DGKG: variants seen among roughly 807,000 people sequenced by gnomAD.
The protein encoded by DGKG is diacylglycerol kinase gamma, also known as DAG kinase gamma.
A neutral mutation model predicts 105.3 loss-of-function variants in DGKG; 78 were observed. The ratio of observed to expected loss-of-function variants is 0.74; its 90% confidence interval spans 0.62 to 0.89. The LOEUF is 0.89. DGKG is among the 40% of genes least tolerant of loss of function. The probability of loss-of-function intolerance (pLI) is 0.00; values close to 1 mark genes in which losing one functional copy is unlikely to be tolerated. For synonymous variants in DGKG, 346 were observed against 367.1 expected, an observed-to-expected ratio of 0.94 and a Z score of 0.66; for missense variants, 958 against 1,020.1, an observed-to-expected ratio of 0.94 and a Z score of 0.83.
intron 1 of DGKG, among the ~76,000 whole-genome samples, chr3:186,352,117 A>G (rs571960107): frequency 6.6e-6 from 1 of 152,180 alleles, no homozygotes; most frequent in East Asian, 1.9e-4. Context: ...TGTTAAACAG[A>G]CTTGAGAACC....
chr3:186,219,144 CAA>C (rs1485442510), intron 20 of DGKG, among the ~76,000 whole-genome samples: 12 of 108,048 alleles, frequency 1.1e-4, no homozygotes, highest in African/African-American at 4.1e-4. Flanking sequence ...AAGTTTACAT[CAA>C]GAGTTAAAAA....
chr3:186,327,942 T>G (rs541858402), intron 1 of DGKG, among the ~76,000 whole-genome samples: 30 of 152,290 alleles, frequency 2.0e-4, no homozygotes, highest in African/African-American at 7.0e-4. Flanking sequence ...GTTCTTTACC[T>G]GTGGTAATAA....
chr3:186,177,688 G>C (rs577643929), intron 22 of DGKG, among the ~76,000 whole-genome samples: 27 of 152,330 alleles, frequency 1.8e-4, no homozygotes, highest in African/African-American at 6.5e-4. Context: ...CTTGAAGACA[G>C]GTTTGAGTCC....
At chr3:186,290,510 A>G (rs1560136227) in intron 5 of DGKG, among the ~76,000 whole-genome samples, 1 of 152,248 alleles carries the variant, frequency 6.6e-6, no homozygotes, top group Non-Finnish European at 1.5e-5. Flanking sequence ...ACAAAACTGG[A>G]CAAAATGTAT....
In DGKG at chr3:186,279,869, G is replaced by A. The variant is rs1722750056; in HGVS notation, c.774C>T (p.Leu258=). ...GGMTTIPLLV[L]LGMDDSGSKG... ...GACTTACAGAGTCATCCATCCCCAG[G>A]AGGACCAGCAATGGGATGGTGGTCA... The change falls in exon 9 of 25, where the codon CTC becomes CTT. Residue 258 remains leucine (L), a synonymous_variant. Coordinates refer to ENST00000265022, the MANE Select transcript of DGKG (RefSeq NM_001346.3). 1 of 1,613,750 alleles carries A rather than the reference G, an allele frequency of 6.2e-7. No individual in the cohort carries two copies. Among genetic ancestry groups the A allele is most frequent in the Non-Finnish European group, 8.5e-7 (1 of 1,179,902 alleles).
chr3:186,187,102 C>T (rs1717676793), intron 22 of DGKG, among the ~76,000 whole-genome samples: 1 of 152,208 alleles, frequency 6.6e-6, no homozygotes, highest in Non-Finnish European at 1.5e-5. Context: ...GCCCTCTAGG[C>T]CACGTGATCT....
chr3:186,260,438 C>G lies in DGKG; in HGVS notation c.1424+1G>C, dbSNP rs766970219. ...AGAGGTAAAGATTGTGATCTCCATACCCTGGAGTAGGCCCCCCATTGTCCA... is the reference window on the plus strand; with the variant it reads ...AGAGGTAAAGATTGTGATCTCCATAGCCTGGAGTAGGCCCCCCATTGTCCA... On this transcript the variant is annotated splice_donor_variant, in intron 16 of 24. Coordinates refer to ENST00000265022, the MANE Select transcript of DGKG (RefSeq NM_001346.3). LOFTEE classifies it high-confidence loss of function. 1 of 1,606,210 alleles carries G rather than the reference C, an allele frequency of 6.2e-7. No individual in the cohort carries two copies. The highest frequency in any genetic ancestry group is 1.7e-5 in the Admixed American group (1 of 59,984).
At chr3:186,174,182 G>A (rs2108488511) in intron 22 of DGKG, among the ~76,000 whole-genome samples, 1 of 152,330 alleles carries the variant, frequency 6.6e-6, no homozygotes, top group East Asian at 1.9e-4. Context: ...ATAAGTCACT[G>A]GCAGGGTTGT....
At chr3:186,162,883 C>T (rs575148063) in intron 23 of DGKG, among the ~76,000 whole-genome samples, 22 of 152,200 alleles carry the variant, frequency 1.4e-4, no homozygotes, top group Admixed American at 7.2e-4. Context: ...TAAGCACACT[C>T]TGGGGTTGCA....
intron 5 of DGKG, among the ~76,000 whole-genome samples, chr3:186,292,674 A>T (rs996288597): frequency 6.6e-6 from 1 of 151,880 alleles, no homozygotes; most frequent in East Asian, 1.9e-4. Context: ...GGTGCCTGTA[A>T]TCCCAGCTAC....
At chr3:186,302,538 GTATATA>G (rs769000961) in intron 3 of DGKG, among the ~76,000 whole-genome samples, 5 of 35,130 alleles carry the variant, frequency 1.4e-4, no homozygotes, top group South Asian at 9.0e-4. Context: ...ATATACATAT[GTATATA>G]TATATATATA....
At chr3:186,232,258 T>C (rs1720186877) in intron 20 of DGKG, among the ~76,000 whole-genome samples, 1 of 152,240 alleles carries the variant, frequency 6.6e-6, no homozygotes, top group African/African-American at 2.4e-5. Context: ...ATTCAGCTCC[T>C]TTCTATCACC....
chr3:186,219,168 A>G (rs995311925), intron 20 of DGKG, among the ~76,000 whole-genome samples: 6 of 151,848 alleles, frequency 4.0e-5, no homozygotes, highest in African/African-American at 7.2e-5. Flanking sequence ...AAAAAAAAAA[A>G]AAAGAAAAGC....
chr3:186,269,535 C>T (rs1722216614), intron 11 of DGKG, among the ~76,000 whole-genome samples: 1 of 152,218 alleles, frequency 6.6e-6, no homozygotes, highest in South Asian at 2.1e-4. Context: ...CCTTCCTCAG[C>T]TTTAGCTGCC....
At chr3:186,215,574 G>A (rs2108524195) in intron 20 of DGKG, among the ~76,000 whole-genome samples, 1 of 152,252 alleles carries the variant, frequency 6.6e-6, no homozygotes, top group African/African-American at 2.4e-5. Context: ...GTACAGACTG[G>A]AAGTTTGGAA....
intron 20 of DGKG, among the ~76,000 whole-genome samples, chr3:186,228,233 T>G (rs1719946840): frequency 6.6e-6 from 1 of 152,164 alleles, no homozygotes; most frequent in Non-Finnish European, 1.5e-5. Context: ...CCAGCCCTGA[T>G]GTGTACTGAC....
chr3:186,167,042 A>G (rs890236436), intron 22 of DGKG, among the ~76,000 whole-genome samples: 2 of 151,880 alleles, frequency 1.3e-5, no homozygotes, highest in African/African-American at 4.8e-5. Flanking sequence ...CTTCCCACAC[A>G]TTACCTTGCA....
At chr3:186,178,264 A>G (rs1366936117) in intron 22 of DGKG, among the ~76,000 whole-genome samples, 1 of 152,226 alleles carries the variant, frequency 6.6e-6, no homozygotes, top group African/African-American at 2.4e-5. Context: ...AACAGATCAC[A>G]GAGAATACCA....
intron 1 of DGKG, among the ~76,000 whole-genome samples, chr3:186,334,131 C>A (rs1270068466): frequency 2.0e-5 from 3 of 152,132 alleles, no homozygotes; most frequent in Non-Finnish European, 4.4e-5. Context: ...ACAGCAGCAG[C>A]CGCTTACTGA....
Sources: allele counts gnomAD v4.1 joint callset (sites outside exome capture counted in the v4.1 genomes callset), GRCh38; gene constraint gnomAD v4.1.1; transcripts MANE v1.5; gene names NCBI Gene and HGNC (gene_info 2026-07-23, HGNC 2026-07-21).